Variants in MARCHF1 observed in about 807,000 individuals in gnomAD.
The protein encoded by MARCHF1 is E3 ubiquitin-protein ligase MARCHF1.
Under a neutral mutation model 54.2 loss-of-function variants are expected in MARCHF1, and 40 were observed. The ratio of observed to expected loss-of-function variants is 0.74; its 90% CI spans 0.57 to 0.96. The LOEUF (loss-of-function observed/expected upper bound fraction) is 0.96. Ranked by LOEUF, MARCHF1 falls within the 40% of genes least tolerant of loss-of-function variation. The probability of loss-of-function intolerance (pLI) is 0.00; values close to 1 mark genes in which losing one functional copy is unlikely to be tolerated. For synonymous variants in MARCHF1, 236 were observed against 236.3 expected (o/e 1.00, Z 0.01); for missense variants, 586 against 656.5 (o/e 0.89, Z 1.17).
chr4:164,340,405 T>TTATATACATACATATATATATATATA (rs58808830), intron 1 of MARCHF1, among the ~76,000 whole-genome samples: 1,485 of 95,332 alleles, frequency 0.016, 92 homozygotes, highest in Admixed American at 0.055. Context: ...AGGCCTTGAT[T>TTATATACATACATATATATATATATA]TATATATAGA....
intron 5 of MARCHF1, among the ~76,000 whole-genome samples, chr4:163,692,908 A>G (rs1320417681): frequency 6.6e-6 from 1 of 151,428 alleles, no homozygotes; most frequent in Non-Finnish European, 1.5e-5. Flanking sequence ...AATATCTGGC[A>G]TGTGGTATGA....
intron 1 of MARCHF1, among the ~76,000 whole-genome samples, chr4:164,252,225 A>G (rs185930354): frequency 1.1e-4 from 16 of 152,318 alleles, no homozygotes; most frequent in African/African-American, 3.8e-4. Context: ...TTATTTAAAA[A>G]ATGAGGCATA....
intron 1 of MARCHF1, among the ~76,000 whole-genome samples, chr4:164,249,765 A>C (rs1579660082): frequency 2.7e-5 from 1 of 37,494 alleles, no homozygotes; most frequent in East Asian, 6.7e-4. Context: ...GGTTAGGATT[A>C]AAAAAAAAAA....
In MARCHF1 at chr4:164,340,406, T is replaced by TATATACATAC. The variant is rs1491357724; in HGVS notation, c.-323+43463_-323+43464insGTATGTATAT. ...CAGCACATGCCACCAGGCCTTGATTTATATATAGATATATATATATATATA... is the reference window on the plus strand; with the variant it reads ...CAGCACATGCCACCAGGCCTTGATTTATATACATACATATATAGATATATATATATATATA... On this transcript the variant is annotated intron_variant, in intron 1 of 9. Transcript: ENST00000514618. Among the ~76,000 whole-genome samples the TATATACATAC allele has an allele frequency of 7.7e-4, 62 of 80,702 alleles. 5 individuals are homozygous for TATATACATAC. In the East Asian group the frequency reaches 8.4e-3, roughly 11 times the overall value. The allele number at this position is 80,702 out of a possible 152,430, so 52.9% of individuals were successfully genotyped here. A position where few individuals can be genotyped will look rare whatever the true frequency, so the allele number is the denominator to read the frequency against.
intron 3 of MARCHF1, among the ~76,000 whole-genome samples, chr4:163,975,839 T>C (rs1187873014): frequency 2.0e-5 from 3 of 152,158 alleles, no homozygotes; most frequent in Non-Finnish European, 4.4e-5. Flanking sequence ...TGGGTATTAC[T>C]TTTTTCTAAC....
At chr4:163,999,232 G>A (rs915944065) in intron 2 of MARCHF1, among the ~76,000 whole-genome samples, 1 of 150,648 alleles carries the variant, frequency 6.6e-6, no homozygotes, top group Admixed American at 6.6e-5. Context: ...TATTATTTTG[G>A]TTAAAAAAAA....
chr4:164,031,897 G>A (rs1372227861), intron 2 of MARCHF1, among the ~76,000 whole-genome samples: 1 of 152,166 alleles, frequency 6.6e-6, no homozygotes, highest in East Asian at 1.9e-4. Context: ...AAAAATTTCA[G>A]AAGGAATAGT....
intron 1 of MARCHF1, among the ~76,000 whole-genome samples, chr4:164,292,370 G>A (rs896779579): frequency 6.6e-6 from 1 of 151,962 alleles, no homozygotes; most frequent in Non-Finnish European, 1.5e-5. Flanking sequence ...AGGCCACCAA[G>A]CAAATTGGTG....
intron 4 of MARCHF1, among the ~76,000 whole-genome samples, chr4:163,836,536 C>T (rs1162765458): frequency 8.6e-5 from 3 of 34,972 alleles, no homozygotes; most frequent in Non-Finnish European, 2.2e-4. Flanking sequence ...TGAGCCACCG[C>T]GCCCGGCTAA....
At chr4:163,636,060 A>T (rs1185507910) in intron 5 of MARCHF1, among the ~76,000 whole-genome samples, 1 of 152,070 alleles carries the variant, frequency 6.6e-6, no homozygotes, top group Non-Finnish European at 1.5e-5. Flanking sequence ...CATGCTAAAA[A>T]CTCTCAATAA....
chr4:164,053,377 G>A (rs1032525260), intron 2 of MARCHF1, among the ~76,000 whole-genome samples: 1 of 148,872 alleles, frequency 6.7e-6, no homozygotes, highest in Non-Finnish European at 1.5e-5. Context: ...AAAATTAGGA[G>A]TCTAATATTT....
chr4:164,041,876 A>G (rs1754136945), intron 2 of MARCHF1, among the ~76,000 whole-genome samples: 1 of 152,194 alleles, frequency 6.6e-6, no homozygotes, highest in African/African-American at 2.4e-5. Flanking sequence ...ATCATAGAAC[A>G]CTAAGTAATC....
chr4:164,137,305 T>C (rs535679631), intron 1 of MARCHF1, among the ~76,000 whole-genome samples: 1 of 152,288 alleles, frequency 6.6e-6, no homozygotes, highest in South Asian at 2.1e-4. Context: ...CCTTGTTACT[T>C]ACTAGACTGA....
At chr4:163,929,631 T>C (rs55814144) in intron 3 of MARCHF1, among the ~76,000 whole-genome samples, 17,675 of 151,540 alleles carry the variant, frequency 0.12, 1,076 homozygotes, top group Non-Finnish European at 0.13. Flanking sequence ...AATATGTCAA[T>C]GATAACACAT....
chr4:163,662,067 C>CT (rs1485670751), intron 5 of MARCHF1, among the ~76,000 whole-genome samples: 2 of 151,884 alleles, frequency 1.3e-5, no homozygotes, highest in South Asian at 4.2e-4. Context: ...GGAATAAAAT[C>CT]TTTTTTTTCT....
chr4:163,899,557 C>T (rs1382883692), intron 3 of MARCHF1, among the ~76,000 whole-genome samples: 1 of 152,066 alleles, frequency 6.6e-6, no homozygotes, highest in Non-Finnish European at 1.5e-5. Flanking sequence ...CTTCTTTTTA[C>T]AGACTTTCTT....
At chr4:163,897,275 CA>C in intron 3 of MARCHF1, among the ~76,000 whole-genome samples, 2 of 152,282 alleles carry the variant, frequency 1.3e-5, no homozygotes, top group Middle Eastern at 3.4e-3. Context: ...TTGGGATATA[CA>C]ACTTACTGAA....
intron 5 of MARCHF1, among the ~76,000 whole-genome samples, chr4:163,654,128 A>G (rs1415226383): frequency 2.0e-5 from 3 of 151,662 alleles, no homozygotes; most frequent in South Asian, 4.1e-4. Context: ...GGATAGAGAG[A>G]ACCATTGTGT....
chr4:164,118,293 G>C (rs1003361708), intron 1 of MARCHF1, among the ~76,000 whole-genome samples: 1 of 151,218 alleles, frequency 6.6e-6, no homozygotes, highest in Non-Finnish European at 1.5e-5. Context: ...AGATTTTGGG[G>C]ATTACAAAAA....
Sources: allele counts gnomAD v4.1 joint callset (sites outside exome capture counted in the v4.1 genomes callset), GRCh38; gene constraint gnomAD v4.1.1; transcripts MANE v1.5; gene names NCBI Gene and HGNC (gene_info 2026-07-23, HGNC 2026-07-21).